DDX50: variants seen among roughly 807,000 people sequenced by gnomAD.
The protein encoded by DDX50 is ATP-dependent RNA helicase DDX50.
In DDX50, 56 loss-of-function variants were observed where a neutral mutation model predicts 94.8. The ratio of observed to expected loss-of-function variants is 0.59; its 90% CI spans 0.48 to 0.74. DDX50 has a LOEUF of 0.74. Ranked by LOEUF, DDX50 falls within the 30% of genes least tolerant of loss-of-function variation. The pLI, the probability that DDX50 is intolerant of heterozygous loss-of-function variation, is 0.00. For synonymous variants in DDX50, 264 were observed against 295.4 expected (o/e 0.89, Z 1.09); for missense variants, 713 against 881.2 (o/e 0.81, Z 2.42).
At chr10:68,925,490 A>T (rs557598758) in intron 8 of DDX50, among the ~76,000 whole-genome samples, 4 of 152,150 alleles carry the variant, frequency 2.6e-5, no homozygotes, top group African/African-American at 9.6e-5. Context: ...TAGTTTTGTT[A>T]TCCTAGTTGA....
At position 68,913,435 on chromosome 10, in the gene DDX50, G is replaced by C; in HGVS notation, c.802G>C (p.Gly268Arg). The C allele has an allele frequency of 6.2e-7, 1 of 1,613,970 alleles. No individual in the cohort carries two copies. The highest frequency in any genetic ancestry group is 8.5e-7 in the Non-Finnish European group (1 of 1,179,976). The change falls in exon 6 of 15, where the codon GGT (glycine) becomes CGT (arginine). Residue 268 changes from glycine (G) to arginine (R), a missense_variant. Gly to Arg is a moderately radical substitution (Grantham distance 125). This residue lies in a region of DDX50 where 428 missense variants were observed against 602.3 expected (regional missense o/e 0.71). Transcript: ENST00000373585. Reference sequence around the variant, plus strand: ...TATTGACATCTTGGTTGGAACACCTGGTCGTATCAAAGACCATCTGCAGAG... The same window carrying C: ...TATTGACATCTTGGTTGGAACACCTCGTCGTATCAAAGACCATCTGCAGAG... The part of the protein sequence containing the change: ...NGIDILVGTP[G>R]RIKDHLQSGR...
At chr10:68,914,328 A>G in intron 7 of DDX50, 124 bp downstream of exon 7, 1 of 1,024,982 alleles carries the variant, frequency 9.8e-7, no homozygotes, top group Non-Finnish European at 1.4e-6. Flanking sequence ...TGCTCTTAGT[A>G]AGACACCTAT....
chr10:68,920,869 C>T (rs112676585), intron 8 of DDX50, among the ~76,000 whole-genome samples: 8 of 149,372 alleles, frequency 5.4e-5, no homozygotes, highest in African/African-American at 2.0e-4. Context: ...TGCGTGAACC[C>T]AGGAGTTCAG....
intron 7 of DDX50, among the ~76,000 whole-genome samples, chr10:68,918,428 C>CT (rs34777951): frequency 0.075 from 4,286 of 57,164 alleles, 283 homozygotes; most frequent in African/African-American, 0.12. Context: ...CCATTCCCTC[C>CT]TTTTTTTTTT....
At chr10:68,912,608 A>G (rs1841661648) in intron 4 of DDX50, among the ~76,000 whole-genome samples, 2 of 152,242 alleles carry the variant, frequency 1.3e-5, no homozygotes, top group South Asian at 4.1e-4. Flanking sequence ...CAAGACTTTA[A>G]TTCTCTGAGA....
chr10:68,925,094 G>GTTTTTTTTTTT (rs752888119), intron 8 of DDX50, among the ~76,000 whole-genome samples: 2 of 89,036 alleles, frequency 2.2e-5, no homozygotes, highest in African/African-American at 7.9e-5. Flanking sequence ...CCCTGCTCAT[G>GTTTTTTTTTTT]GTTTTTTTTT....
At chr10:68,930,562 GTAGCCTC>G (rs3085757) in intron 8 of DDX50, among the ~76,000 whole-genome samples, 142,439 of 151,848 alleles carry the variant, frequency 0.94, 66,862 homozygotes, top group East Asian at 0.99. Context: ...CAGTTATGGT[GTAGCCTC>G]TAGCCTCTAC....
chr10:68,906,662 A>T lies in DDX50; in HGVS notation c.88-49A>T. On this transcript the variant is annotated intron_variant, in intron 1 of 14. Coordinates refer to ENST00000373585, the MANE Select transcript of DDX50 (RefSeq NM_024045.2). ...CATGCTCTAACTTCTCTAGAGTCTTAAAAGAAAACCTCTGACCATCTTGTC... is the reference window on the plus strand; with the variant it reads ...CATGCTCTAACTTCTCTAGAGTCTTTAAAGAAAACCTCTGACCATCTTGTC... 6.3e-7 allele frequency: 1 copy of T among 1,580,396 alleles called. No homozygotes were observed. The highest frequency in any genetic ancestry group is 1.7e-4 in the Middle Eastern group (1 of 5,948).
intron 2 of DDX50, among the ~76,000 whole-genome samples, chr10:68,908,921 C>T (rs779414156): frequency 2.6e-5 from 4 of 152,196 alleles, no homozygotes; most frequent in Non-Finnish European, 4.4e-5. Flanking sequence ...GCTGGGATTA[C>T]AGACATAAAC....
intron 1 of DDX50, among the ~76,000 whole-genome samples, chr10:68,903,230 C>G (rs1464810009): frequency 6.6e-6 from 1 of 152,020 alleles, no homozygotes; most frequent in Non-Finnish European, 1.5e-5. Context: ...GACCCTGTCT[C>G]TACAAAAAAT....
intron 8 of DDX50, among the ~76,000 whole-genome samples, chr10:68,920,861 C>T (rs932118308): frequency 6.8e-6 from 1 of 146,086 alleles, no homozygotes; most frequent in South Asian, 2.1e-4. Context: ...AGGAGAATTG[C>T]GTGAACCCAG....
chr10:68,934,053 C>T lies in DDX50; in HGVS notation c.1240-146C>T. The T allele has an allele frequency of 1.7e-6, 1 of 580,434 alleles. No homozygotes were observed. Among genetic ancestry groups the T allele is most frequent in the Non-Finnish European group, 2.6e-6 (1 of 390,228 alleles). 36.0% of individuals were successfully genotyped at this position (580,434 alleles called of 1,614,324 possible). On this transcript the variant is annotated intron_variant, in intron 8 of 14. Transcript: ENST00000373585. This position sits in a 1 kb window ranked among gnomAD's most constrained non-coding sequence, Gnocchi z 4.0. Reference sequence around the variant, plus strand: ...GTTAAATATTTTCTGTCATGTTTGACTTTTTTTTTTTACAGTAAGCATGCA... The same window carrying T: ...GTTAAATATTTTCTGTCATGTTTGATTTTTTTTTTTTACAGTAAGCATGCA...
chr10:68,946,485 C>T lies in DDX50; in HGVS notation c.2069C>T (p.Ser690Leu). 6.2e-7 allele frequency: 1 copy of T among 1,614,154 alleles called. No homozygotes were observed. The highest frequency in any genetic ancestry group is 8.5e-7 in the Non-Finnish European group (1 of 1,180,020). Residue 690 changes from serine (S) to leucine (L), a missense_variant, in exon 15 of 15, where the codon TCA becomes TTA. This residue lies in a region of DDX50 where 428 missense variants were observed against 602.3 expected (regional missense o/e 0.71). Coordinates refer to ENST00000373585, the MANE Select transcript of DDX50 (RefSeq NM_024045.2). ...SGWSSGRSGR[S>L]GRSGGRSGGR... ...TGGTCAAGTGGTCGATCAGGCCGGT[C>T]AGGCCGGTCAGGTGGTCGATCTGGC...
chr10:68,905,684 G>C (rs2132019860), intron 1 of DDX50, among the ~76,000 whole-genome samples: 1 of 152,334 alleles, frequency 6.6e-6, no homozygotes, highest in South Asian at 2.1e-4. Flanking sequence ...GGCCGAGGCT[G>C]GTGGATCACC....
chr10:68,917,788 A>C (rs1841838794), intron 7 of DDX50, among the ~76,000 whole-genome samples: 1 of 151,932 alleles, frequency 6.6e-6, no homozygotes, highest in Non-Finnish European at 1.5e-5. Context: ...TTTTTAGTAG[A>C]GATGTAGTTT....
chr10:68,937,774 CAG>C (rs1842461503), intron 12 of DDX50, among the ~76,000 whole-genome samples: 1 of 151,978 alleles, frequency 6.6e-6, no homozygotes, highest in African/African-American at 2.4e-5. Flanking sequence ...TTAGTAGAGA[CAG>C]GGTTTCACCA....
At position 68,901,382 on chromosome 10, in the gene DDX50, G is replaced by T. The variant is rs777338882; in HGVS notation, c.-3G>T. On this transcript the variant is annotated 5_prime_UTR_variant, in exon 1 of 15. Coordinates refer to ENST00000373585, the MANE Select transcript of DDX50 (RefSeq NM_024045.2). Reference sequence around the variant, plus strand: ...GCCCGGAGGGAGGCGGCGGTGGCCAGTAATGCCTGGGAAACTCCTCTGGGG... The same window carrying T: ...GCCCGGAGGGAGGCGGCGGTGGCCATTAATGCCTGGGAAACTCCTCTGGGG... 1 of 1,543,270 alleles carries T rather than the reference G, an allele frequency of 6.5e-7. No homozygotes were observed. The highest frequency in any genetic ancestry group is 8.7e-7 in the Non-Finnish European group (1 of 1,144,112).
At chr10:68,919,653 C>T (rs1841892412) in intron 7 of DDX50, among the ~76,000 whole-genome samples, 179 bp from the exon 8 acceptor site, 1 of 151,906 alleles carries the variant, frequency 6.6e-6, no homozygotes, top group African/African-American at 2.4e-5. Context: ...TTTGTTTATT[C>T]TTTCGTCAGT....
At chr10:68,930,260 G>T (rs1006764879) in intron 8 of DDX50, among the ~76,000 whole-genome samples, 2 of 151,580 alleles carry the variant, frequency 1.3e-5, no homozygotes, top group African/African-American at 2.4e-5. Flanking sequence ...TGGGATTACA[G>T]GTGCCTGCCA....
Sources: gnomAD v4.1 joint callset for allele counts (sites outside exome capture counted in the v4.1 genomes callset) on GRCh38, gnomAD v4.1.1 for gene constraint, gnomAD v4.1.1 regional missense constraint, Gnocchi (gnomAD v3.1) non-coding constraint, MANE v1.5 for transcripts, NCBI Gene and HGNC (gene_info 2026-07-23, HGNC 2026-07-21) for gene names.